BACH2: variants seen among roughly 807,000 people sequenced by gnomAD.
BACH2 encodes the protein transcription regulator protein BACH2.
BACH2 carries 5 observed loss-of-function variants against 61.8 expected under a neutral mutation model. The observed-to-expected ratio is 0.08, with a 90% confidence interval of 0.04 to 0.17. The LOEUF (loss-of-function observed/expected upper bound fraction) is 0.17. BACH2 is among the 10% of genes least tolerant of loss of function. The pLI, the probability that BACH2 is intolerant of heterozygous loss-of-function variation, is 1.00. For missense variants in BACH2, 824 were observed against 1,091.1 expected (o/e 0.76, Z 3.45); for synonymous variants, 446 against 440.1 (o/e 1.01, Z -0.17).
At chr6:90,158,320 G>A (rs1197829317) in intron 4 of BACH2, among the ~76,000 whole-genome samples, 1 of 152,192 alleles carries the variant, frequency 6.6e-6, no homozygotes, top group African/African-American at 2.4e-5. Context: ...GCTCTAAAAT[G>A]CCTTGGTGCA....
At chr6:90,217,850 T>C (rs1488288074) in intron 3 of BACH2, 1 of 152,152 alleles carries the variant, frequency 6.6e-6, no homozygotes, top group East Asian at 1.9e-4. Flanking sequence ...TCTTTTTTTT[T>C]AATGCCCCAG....
chr6:90,007,846 C>T (rs9451314), intron 6 of BACH2, among the ~76,000 whole-genome samples: 24,688 of 152,084 alleles, frequency 0.16, 2,263 homozygotes, highest in Middle Eastern at 0.27. Flanking sequence ...TGATTCTGCC[C>T]GAACACAAAG....
At chr6:90,243,282 G>T (rs1032164997) in intron 3 of BACH2, among the ~76,000 whole-genome samples, 2 of 152,056 alleles carry the variant, frequency 1.3e-5, no homozygotes, top group African/African-American at 2.4e-5. Flanking sequence ...GTCATTAAAG[G>T]TTATGCAATT....
intron 5 of BACH2, among the ~76,000 whole-genome samples, chr6:90,028,553 T>C (rs1471707281): frequency 1.3e-5 from 2 of 152,220 alleles, no homozygotes; most frequent in Admixed American, 1.3e-4. Flanking sequence ...CCAGCCTGCC[T>C]GCATCTGAAC....
At chr6:90,263,080 G>GA (rs1330607973) in intron 2 of BACH2, among the ~76,000 whole-genome samples, 3 of 152,178 alleles carry the variant, frequency 2.0e-5, no homozygotes. Context: ...ACTGAAGGCT[G>GA]AAAGAGTAAA....
intron 1 of BACH2, among the ~76,000 whole-genome samples, chr6:90,287,156 C>T (rs1252135283): frequency 2.6e-5 from 4 of 152,016 alleles, no homozygotes; most frequent in Non-Finnish European, 5.9e-5. Flanking sequence ...GACTGAAGGG[C>T]GTTGACTCTA....
intron 4 of BACH2, among the ~76,000 whole-genome samples, chr6:90,206,254 A>G (rs1376397427): frequency 6.6e-6 from 1 of 152,198 alleles, no homozygotes; most frequent in Non-Finnish European, 1.5e-5. Flanking sequence ...CAAAAAAGTG[A>G]TATTTAGTCC....
chr6:90,054,908 G>A (rs970393359), intron 5 of BACH2, among the ~76,000 whole-genome samples: 1 of 152,210 alleles, frequency 6.6e-6, no homozygotes, highest in Non-Finnish European at 1.5e-5. Context: ...CTGCAGCTGA[G>A]GGTCCTGTCT....
intron 1 of BACH2, among the ~76,000 whole-genome samples, chr6:90,275,365 C>G (rs776657655): frequency 4.6e-5 from 7 of 152,174 alleles, no homozygotes; most frequent in African/African-American, 7.2e-5. Flanking sequence ...CTCCCCCTAC[C>G]TGGGATGCTC....
intron 4 of BACH2, among the ~76,000 whole-genome samples, chr6:90,092,952 T>A (rs1782235280): frequency 2.0e-5 from 3 of 152,076 alleles, no homozygotes. Context: ...AAAGGTAGCA[T>A]CCATCAATCT....
chr6:90,169,483 C>G (rs920867407), intron 4 of BACH2, among the ~76,000 whole-genome samples: 20 of 152,212 alleles, frequency 1.3e-4, no homozygotes, highest in Non-Finnish European at 2.9e-4. Context: ...AGGACACTAA[C>G]CCAGACATTC....
In BACH2 at chr6:90,058,393, A is replaced by G. The variant is rs572338038; in HGVS notation, c.-13+30568T>C. On this transcript the variant is annotated intron_variant, in intron 5 of 8. Coordinates refer to ENST00000257749, the MANE Select transcript of BACH2 (RefSeq NM_021813.4). ...TCACAATTGCTTCAAAGAGAATAAAATACCTGGGAATCCAACTTACAAGGG... is the reference window on the plus strand; with the variant it reads ...TCACAATTGCTTCAAAGAGAATAAAGTACCTGGGAATCCAACTTACAAGGG... Among the ~76,000 whole-genome samples the G allele has an allele frequency of 2.0e-4, 30 of 152,348 alleles. No homozygotes were observed. The South Asian group carries it at 6.0e-3, about 30-fold the overall frequency.
intron 4 of BACH2, among the ~76,000 whole-genome samples, chr6:90,103,280 G>A (rs1782756965): frequency 6.6e-6 from 1 of 151,764 alleles, no homozygotes; most frequent in South Asian, 2.1e-4. Context: ...GGAGGTGTGG[G>A]AGCAGAGAGA....
intron 2 of BACH2, among the ~76,000 whole-genome samples, chr6:90,260,601 AT>A (rs1237251325): frequency 6.6e-6 from 1 of 152,062 alleles, no homozygotes; most frequent in Non-Finnish European, 1.5e-5. Context: ...TTTCTTACTA[AT>A]TTTCTGTCTG....
rs187760897 is a variant in BACH2, at chr6:90,162,252, T to C, written c.-162+44317A>G. ...ATAGGACTAAATTTATTTAAATTAC[T>C]AGTGCTCTCATCTATCAGAAAATTT... is the stretch of plus-strand genomic sequence containing the variant. On this transcript the variant is annotated intron_variant, in intron 4 of 8. Transcript: ENST00000257749. Among the ~76,000 whole-genome samples the C allele has an allele frequency of 1.9e-3, 291 of 152,338 alleles. 2 individuals are homozygous for C. Among genetic ancestry groups the C allele is most frequent in the Non-Finnish European group, 3.6e-3 (242 of 68,030 alleles).
intron 2 of BACH2, among the ~76,000 whole-genome samples, chr6:90,262,054 T>C (rs1771176780): frequency 6.6e-6 from 1 of 152,150 alleles, no homozygotes; most frequent in South Asian, 2.1e-4. Flanking sequence ...AACCTCTGCA[T>C]TGAGATTCCT....
chr6:90,291,556 A>G (rs896618852), intron 1 of BACH2, among the ~76,000 whole-genome samples: 8 of 151,676 alleles, frequency 5.3e-5, no homozygotes, highest in Non-Finnish European at 1.0e-4. Flanking sequence ...CTGACAAAAA[A>G]AAAGAAAAAA....
intron 4 of BACH2, among the ~76,000 whole-genome samples, chr6:90,149,072 C>A (rs1383732619): frequency 6.6e-6 from 1 of 152,136 alleles, no homozygotes; most frequent in Non-Finnish European, 1.5e-5. Flanking sequence ...AGGGTTGCCC[C>A]AGCAGGGCTG....
intron 5 of BACH2, among the ~76,000 whole-genome samples, chr6:90,031,026 C>T (rs1488539276): frequency 7.1e-6 from 1 of 140,560 alleles, no homozygotes; most frequent in Non-Finnish European, 1.5e-5. Flanking sequence ...GGGCTTCATC[C>T]CTGGGATGCA....
Sources: gnomAD v4.1 joint callset for allele counts (sites outside exome capture counted in the v4.1 genomes callset) on GRCh38, gnomAD v4.1.1 for gene constraint, MANE v1.5 for transcripts, NCBI Gene and HGNC (gene_info 2026-07-23, HGNC 2026-07-21) for gene names.